Variants in ZNF628 observed in about 807,000 individuals in gnomAD.
ZNF628 encodes the protein zinc finger protein 628.
ZNF628 carries 3 observed loss-of-function variants against 2.5 expected under a neutral mutation model. That is an observed-to-expected ratio of 1.19 (90% CI 0.54 to 3.07). The LOEUF is 3.07. Among genes scored for constraint, ZNF628 ranks in the 30% most tolerant of loss-of-function variants. The pLI is 0.03. For missense variants in ZNF628, 1,610 were observed against 1,517.1 expected, an observed-to-expected ratio of 1.06 and a Z score of -1.02; for synonymous variants, 861 against 717.1, an observed-to-expected ratio of 1.20 and a Z score of -3.21.
Position 55,483,892 on chromosome 19 carries a change from T to G in ZNF628, c.2699T>G (p.Leu900Trp). ...GTTCAGAGCGGGGCAGCTGAGGAGT[T>G]GCTCACTGGCCCGGGCCCCGGGGAG... ...LVVQSGAAEE[L>W]LTGPGPGEAG... Residue 900 changes from leucine to tryptophan, a missense_variant, in exon 3 of 3, where the codon TTG becomes TGG. Physicochemically the swap from Leu to Trp is moderately conservative, Grantham distance 61. Transcript: ENST00000598519. 2 of 1,601,906 alleles carry G rather than the reference T, an allele frequency of 1.2e-6. No individual in the cohort carries two copies. Among genetic ancestry groups the G allele is most frequent in the Non-Finnish European group, 1.7e-6 (2 of 1,173,178 alleles).
Position 55,479,158 on chromosome 19 carries a change from C to T in ZNF628, c.-77-676C>T, listed in dbSNP as rs1335711257. Among the ~76,000 whole-genome samples the T allele has an allele frequency of 6.6e-6, 1 of 152,096 alleles. No individual in the cohort carries two copies. The highest frequency in any genetic ancestry group is 1.9e-4 in the East Asian group (1 of 5,170). Reference sequence around the variant, plus strand: ...AGAGGTCAGGGAGGTGAGAAGGAACCAAGCTGGGGACTGAGATGGGGTGAC... The same window carrying T: ...AGAGGTCAGGGAGGTGAGAAGGAACTAAGCTGGGGACTGAGATGGGGTGAC... On this transcript the variant is annotated intron_variant, in intron 1 of 2. Transcript: ENST00000598519. The surrounding 1 kb of genome is among the most constrained non-coding windows in gnomAD (Gnocchi z 5.1).
chr19:55,479,619 C>T lies in ZNF628; in HGVS notation c.-77-215C>T, dbSNP rs932173493. Among the ~76,000 whole-genome samples the T allele has an allele frequency of 6.6e-6, 1 of 152,184 alleles. No homozygotes were observed. The highest frequency in any genetic ancestry group is 2.4e-5 in the African/African-American group (1 of 41,492). On this transcript the variant is annotated intron_variant, in intron 1 of 2. Transcript: ENST00000598519. The surrounding 1 kb of genome is among the most constrained non-coding windows in gnomAD (Gnocchi z 5.1). ...ATGGGATTGTTCTCCGCTGTGGGGCCGTCCTGTGAATTGTAGGATGTTGGG... is the reference window on the plus strand; with the variant it reads ...ATGGGATTGTTCTCCGCTGTGGGGCTGTCCTGTGAATTGTAGGATGTTGGG...
At position 55,482,464 on chromosome 19, in the gene ZNF628, C is replaced by T; in HGVS notation, c.1271C>T (p.Ala424Val). Residue 424 changes from alanine to valine, a missense_variant, in exon 3 of 3, where the codon GCG (alanine) becomes GTG (valine). Physicochemically the swap from Ala to Val is moderately conservative, Grantham distance 64. Transcript: ENST00000598519. ...AGRPPPQAEAAEVTCPQEPLA... is the reference protein window; with the variant it reads ...AGRPPPQAEAVEVTCPQEPLA... ...CGCCCGCCCCCGCAGGCTGAGGCTGCGGAGGTGACCTGCCCCCAGGAACCG... is the reference window on the plus strand; with the variant it reads ...CGCCCGCCCCCGCAGGCTGAGGCTGTGGAGGTGACCTGCCCCCAGGAACCG... The T allele has an allele frequency of 1.4e-6, 2 of 1,416,948 alleles. No homozygotes were observed. Among genetic ancestry groups the T allele is most frequent in the South Asian group, 1.5e-5 (1 of 67,178 alleles). The allele number at this position is 1,416,948 out of a possible 1,614,324, so 87.8% of individuals were successfully genotyped here.
In ZNF628 at chr19:55,482,355, T is replaced by G; in HGVS notation, c.1162T>G (p.Cys388Gly). The change falls in exon 3 of 3, where the codon TGC becomes GGC. Residue 388 changes from cysteine (C) to glycine (G), a missense_variant. Physicochemically the swap from Cys to Gly is radical, Grantham distance 159. Coordinates refer to ENST00000598519, the MANE Select transcript of ZNF628 (RefSeq NM_033113.3). ...HGAAGGQAFR[C>G]GSCDGSFPQL... ...GGCTGCCGGCGGGCAAGCGTTCCGC[T>G]GCGGCAGCTGCGACGGCTCCTTCCC... 6.9e-7 allele frequency: 1 copy of G among 1,441,716 alleles called. No homozygotes were observed. The highest frequency in any genetic ancestry group is 1.3e-5 in the South Asian group (1 of 74,878). 89.3% of individuals were successfully genotyped at this position (1,441,716 alleles called of 1,614,324 possible). A position where few individuals can be genotyped will look rare whatever the true frequency, so the allele number is the denominator to read the frequency against.
rs775815787 is a variant in ZNF628 at position 55,484,073 on chromosome 19, G to A, written c.2880G>A (p.Gly960=). ...CVQEVETLPP[G]LTEPPATGPP... ...AGGAGGTAGAAACACTTCCTCCTGG[G>A]CTGACGGAGCCGCCTGCCACCGGCC... Residue 960 remains glycine (G), a synonymous_variant, in exon 3 of 3, where the codon GGG becomes GGA. Transcript: ENST00000598519. 2 of 1,592,534 alleles carry A rather than the reference G, an allele frequency of 1.3e-6. No individual in the cohort carries two copies. The highest frequency in any genetic ancestry group is 2.3e-5 in the East Asian group (1 of 43,222).
Position 55,482,268 on chromosome 19 carries a change from C to T in ZNF628, c.1075C>T (p.Leu359=), listed in dbSNP as rs945258010. ...CGCCCCCGCGCCTGGCTTTGCCTGTCTGCCCTGCGGCAAGTCCTTCCGGAC... is the reference window on the plus strand; with the variant it reads ...CGCCCCCGCGCCTGGCTTTGCCTGTTTGCCCTGCGGCAAGTCCTTCCGGAC... The part of the protein sequence containing the change: ...AAAPAPGFAC[L]PCGKSFRTVA... Residue 359 remains leucine, a synonymous_variant, in exon 3 of 3, where the codon CTG becomes TTG. Coordinates refer to ENST00000598519, the MANE Select transcript of ZNF628 (RefSeq NM_033113.3). 3 of 1,468,410 alleles carry T rather than the reference C, an allele frequency of 2.0e-6. No homozygotes were observed. Among genetic ancestry groups the T allele is most frequent in the East Asian group, 3.0e-5 (1 of 33,554 alleles). 91.0% of individuals were successfully genotyped at this position (1,468,410 alleles called of 1,614,324 possible). A position where few individuals can be genotyped will look rare whatever the true frequency, so the allele number is the denominator to read the frequency against.
Position 55,482,380 on chromosome 19 carries a change from C to T in ZNF628, c.1187C>T (p.Pro396Leu). Residue 396 changes from proline to leucine, a missense_variant, in exon 3 of 3, where the codon CCG becomes CTG. Coordinates refer to ENST00000598519, the MANE Select transcript of ZNF628 (RefSeq NM_033113.3). ...TGCGGCAGCTGCGACGGCTCCTTCC[C>T]GCAGCTGGCCAGCCTCCTGGCGCAT... Reference protein sequence around the residue: ...FRCGSCDGSFPQLASLLAHQQ... With the variant: ...FRCGSCDGSFLQLASLLAHQQ... 1.4e-6 allele frequency: 2 copies of T among 1,423,542 alleles called. No individual in the cohort carries two copies. Among genetic ancestry groups the T allele is most frequent in the Non-Finnish European group, 1.8e-6 (2 of 1,091,908 alleles). 88.2% of individuals were successfully genotyped at this position (1,423,542 alleles called of 1,614,324 possible). A position where few individuals can be genotyped will look rare whatever the true frequency, so the allele number is the denominator to read the frequency against.
chr19:55,483,011 C>A lies in ZNF628; in HGVS notation c.1818C>A (p.Ser606=), dbSNP rs371736358. Reference sequence around the variant, plus strand: ...TCTGCCCCAAGACCTTCACCCACTCCTCCAACCTGCTGCTGCACCAGCGCA... The same window carrying A: ...TCTGCCCCAAGACCTTCACCCACTCATCCAACCTGCTGCTGCACCAGCGCA... The part of the protein sequence containing the change: ...CPLCPKTFTH[S]SNLLLHQRTH... The change falls in exon 3 of 3, where the codon TCC becomes TCA. Residue 606 remains serine, a synonymous_variant. Transcript: ENST00000598519. 1.2e-6 allele frequency: 2 copies of A among 1,612,248 alleles called. No individual in the cohort carries two copies. Among genetic ancestry groups the A allele is most frequent in the Non-Finnish European group, 1.7e-6 (2 of 1,179,490 alleles).
rs1248588854 is a variant in ZNF628, at chr19:55,481,721, C to T, written c.528C>T (p.Tyr176=). The T allele has an allele frequency of 6.2e-7, 1 of 1,612,658 alleles. No individual in the cohort carries two copies. Among genetic ancestry groups the T allele is most frequent in the Non-Finnish European group, 8.5e-7 (1 of 1,179,450 alleles). The part of the protein sequence containing the change: ...HRHVHTGERP[Y]TCGVCGKSFT... ...ACGTGCACACCGGCGAGCGGCCCTACACCTGTGGAGTCTGCGGGAAGAGCT... is the reference window on the plus strand; with the variant it reads ...ACGTGCACACCGGCGAGCGGCCCTATACCTGTGGAGTCTGCGGGAAGAGCT... Residue 176 remains tyrosine (Y), a synonymous_variant, in exon 3 of 3, where the codon TAC becomes TAT. Transcript: ENST00000598519.
At position 55,481,583 on chromosome 19, in the gene ZNF628, G is replaced by A. The variant is rs374950718; in HGVS notation, c.390G>A (p.Lys130=). Residue 130 remains lysine, a synonymous_variant, in exon 3 of 3, where the codon AAG becomes AAA. Coordinates refer to ENST00000598519, the MANE Select transcript of ZNF628 (RefSeq NM_033113.3). Reference sequence around the variant, plus strand: ...GCGGCCAGTGCGGCCTGGCCTTCAAGTGGTCGTCCCACTACCAGTACCACT... The same window carrying A: ...GCGGCCAGTGCGGCCTGGCCTTCAAATGGTCGTCCCACTACCAGTACCACT... ...FICGQCGLAF[K]WSSHYQYHLR... The A allele has an allele frequency of 2.5e-6, 4 of 1,613,186 alleles. No homozygotes were observed. The highest frequency in any genetic ancestry group is 1.1e-5 in the South Asian group (1 of 91,020).
At chr19:55,476,947 C>T (rs1284948878) in intron 1 of ZNF628, 140 bp downstream of exon 1, 1 of 152,008 alleles carries the variant, frequency 6.6e-6, no homozygotes, top group Non-Finnish European at 1.5e-5. Flanking sequence ...CATTTGCCAG[C>T]TAGGCCGGGT....
At position 55,481,282 on chromosome 19, in the gene ZNF628, C is replaced by T; in HGVS notation, c.89C>T (p.Pro30Leu). 6.2e-7 allele frequency: 1 copy of T among 1,600,654 alleles called. No individual in the cohort carries two copies. The highest frequency in any genetic ancestry group is 8.5e-7 in the Non-Finnish European group (1 of 1,175,136). The change falls in exon 3 of 3, where the codon CCT becomes CTT. Residue 30 changes from proline (P) to leucine (L), a missense_variant. Coordinates refer to ENST00000598519, the MANE Select transcript of ZNF628 (RefSeq NM_033113.3). ...GAGEKPGPAA[P>L]APAAQYECGE... The stretch of plus-strand genomic sequence containing the variant: ...GGGGAGAAGCCAGGCCCTGCGGCCC[C>T]TGCCCCGGCGGCCCAGTACGAATGT...
chr19:55,483,596 T>A lies in ZNF628; in HGVS notation c.2403T>A (p.Val801=). The change falls in exon 3 of 3, where the codon GTT becomes GTA. Residue 801 remains valine (V), a synonymous_variant. Coordinates refer to ENST00000598519, the MANE Select transcript of ZNF628 (RefSeq NM_033113.3). ...GASGTGQSLI[V]LQNVGGGEAG... ...GCGGGACAGGGCAGAGCCTCATCGT[T>A]CTGCAGAATGTGGGGGGTGGGGAGG... is the stretch of plus-strand genomic sequence containing the variant. The A allele has an allele frequency of 6.2e-7, 1 of 1,612,758 alleles. No individual in the cohort carries two copies. The highest frequency in any genetic ancestry group is 8.5e-7 in the Non-Finnish European group (1 of 1,179,492).
rs1490621482 is a variant in ZNF628, at chr19:55,481,607, C to T, written c.414C>T (p.His138=). The T allele has an allele frequency of 6.2e-7, 1 of 1,610,296 alleles. No individual in the cohort carries two copies. Among genetic ancestry groups the T allele is most frequent in the Non-Finnish European group, 8.5e-7 (1 of 1,177,582 alleles). Reference sequence around the variant, plus strand: ...AGTGGTCGTCCCACTACCAGTACCACTTAAGGCAGCACACAGGCGAGCGCC... The same window carrying T: ...AGTGGTCGTCCCACTACCAGTACCATTTAAGGCAGCACACAGGCGAGCGCC... The part of the protein sequence containing the change: ...AFKWSSHYQY[H]LRQHTGERPY... Residue 138 remains histidine (H), a synonymous_variant, in exon 3 of 3, where the codon CAC becomes CAT. Transcript: ENST00000598519.
intron 2 of ZNF628, among the ~76,000 whole-genome samples, chr19:55,480,424 TTTAA>T (rs980954412): frequency 6.6e-6 from 1 of 151,862 alleles, no homozygotes; most frequent in Admixed American, 6.6e-5. Flanking sequence ...TATTTATTTA[TTTAA>T]TTATTTTTTG....
rs1437616319 is a variant in ZNF628 at position 55,483,017 on chromosome 19, C to T, written c.1824C>T (p.Asn608=). 6.2e-7 allele frequency: 1 copy of T among 1,612,244 alleles called. No individual in the cohort carries two copies. The change falls in exon 3 of 3, where the codon AAC becomes AAT. Residue 608 remains asparagine (N), a synonymous_variant. Coordinates refer to ENST00000598519, the MANE Select transcript of ZNF628 (RefSeq NM_033113.3). ...LCPKTFTHSS[N]LLLHQRTHSA... The stretch of plus-strand genomic sequence containing the variant: ...CCAAGACCTTCACCCACTCCTCCAA[C>T]CTGCTGCTGCACCAGCGCACGCACT...
At chr19:55,481,132 C>CGT in intron 2 of ZNF628, 69 bp from the exon 3 acceptor site, 1 of 1,447,172 alleles carries the variant, frequency 6.9e-7, no homozygotes, top group Non-Finnish European at 9.1e-7. Context: ...TTAAAGAGCC[C>CGT]GTGTGTGGGT....
rs1184564455 is a variant in ZNF628 at position 55,481,921 on chromosome 19, C to G, written c.728C>G (p.Ser243Cys). 2.7e-6 allele frequency: 4 copies of G among 1,476,962 alleles called. No homozygotes were observed. In the South Asian group the frequency reaches 3.9e-5, roughly 14 times the overall value. 91.5% of individuals were successfully genotyped at this position (1,476,962 alleles called of 1,614,324 possible). The change falls in exon 3 of 3, where the codon TCC becomes TGC. Residue 243 changes from serine (S) to cysteine (C), a missense_variant. Ser to Cys is a moderately radical substitution (Grantham distance 112). Transcript: ENST00000598519. ...GTASAAPPPQ[S>C]REPGKVFVCD... is the part of the protein sequence containing the mutation. ...GCCTCCGCGGCCCCGCCCCCCCAGT[C>G]CCGGGAGCCCGGCAAGGTCTTCGTG...
Position 55,483,986 on chromosome 19 carries a change from G to C in ZNF628, c.2793G>C (p.Glu931Asp). Residue 931 changes from glutamate to aspartate, a missense_variant, in exon 3 of 3, where the codon GAG (glutamate) becomes GAC (aspartate). Glu to Asp is a conservative substitution (Grantham distance 45, BLOSUM62 2). Transcript: ENST00000598519. ...TCTTTGAGACACTCCAGACGGACGA[G>C]GGCTTGCAGAGCGTGCTGGTGCTGA... ...DVLFETLQTDEGLQSVLVLSG... is the reference protein window; with the variant it reads ...DVLFETLQTDDGLQSVLVLSG... 6.3e-7 allele frequency: 1 copy of C among 1,580,054 alleles called. No homozygotes were observed. Among genetic ancestry groups the C allele is most frequent in the South Asian group, 1.2e-5 (1 of 86,050 alleles).
Sources: allele counts gnomAD v4.1 joint callset (sites outside exome capture counted in the v4.1 genomes callset), GRCh38; gene constraint gnomAD v4.1.1; non-coding constraint Gnocchi (gnomAD v3.1); transcripts MANE v1.5; gene names NCBI Gene and HGNC (gene_info 2026-07-23, HGNC 2026-07-21).